CELF4: variants seen among roughly 807,000 people sequenced by gnomAD.
CELF4 encodes the protein CUG-BP- and ETR-3-like factor 4.
CELF4 carries 18 observed loss-of-function variants against 59.9 expected under a neutral mutation model. That is an observed-to-expected ratio of 0.30 (90% confidence interval 0.21 to 0.45). The LOEUF is 0.45. CELF4 is among the 20% of genes least tolerant of loss of function. The pLI is 1.00. For missense variants in CELF4, 456 were observed against 689.0 expected (o/e 0.66, Z 3.79); for synonymous variants, 261 against 267.1 (o/e 0.98, Z 0.22).
At chr18:37,409,533 G>C (rs868376168) in intron 2 of CELF4, among the ~76,000 whole-genome samples, 5 of 152,122 alleles carry the variant, frequency 3.3e-5, no homozygotes, top group Non-Finnish European at 7.4e-5. Flanking sequence ...TTTACTCTAC[G>C]CTATTCTGAA....
chr18:37,310,765 G>C (rs576368700), intron 3 of CELF4, among the ~76,000 whole-genome samples: 11 of 152,164 alleles, frequency 7.2e-5, no homozygotes, highest in African/African-American at 2.6e-4. Flanking sequence ...GGCTCACTCA[G>C]TGCTCACTTG....
chr18:37,343,329 C>CTGTGTG (rs5824051), intron 2 of CELF4, among the ~76,000 whole-genome samples: 2,895 of 126,976 alleles, frequency 0.023, 44 homozygotes, highest in South Asian at 0.026. Context: ...GGTGTTGATT[C>CTGTGTG]TGTGTGTGTG....
intron 3 of CELF4, among the ~76,000 whole-genome samples, chr18:37,290,991 C>A (rs1406027369): frequency 1.3e-5 from 2 of 152,186 alleles, no homozygotes; most frequent in African/African-American, 4.8e-5. Context: ...CTCACCGCAA[C>A]CTCCGCCTCC....
chr18:37,448,248 G>A (rs534589798), intron 2 of CELF4, among the ~76,000 whole-genome samples: 8 of 152,334 alleles, frequency 5.3e-5, no homozygotes, highest in African/African-American at 1.9e-4. Context: ...GATGACTGGA[G>A]CCTGAAGCCC....
chr18:37,372,019 T>C (rs2098895591), intron 2 of CELF4, among the ~76,000 whole-genome samples: 2 of 152,252 alleles, frequency 1.3e-5, no homozygotes, highest in Admixed American at 1.3e-4. Context: ...TGTTCTACTT[T>C]TACATTGTTG....
At chr18:37,300,659 G>A (rs2095964542) in intron 3 of CELF4, among the ~76,000 whole-genome samples, 1 of 152,240 alleles carries the variant, frequency 6.6e-6, no homozygotes, top group Admixed American at 6.5e-5. Context: ...GTCCCTGTCT[G>A]CACGGAGCTC....
chr18:37,272,572 GAA>G (rs397692958), intron 7 of CELF4, among the ~76,000 whole-genome samples: 309 of 104,906 alleles, frequency 2.9e-3, no homozygotes, highest in East Asian at 0.011. Flanking sequence ...AAAGGGAAAT[GAA>G]AAAAAAAAAA....
chr18:37,401,800 C>T (rs1459730131), intron 2 of CELF4, among the ~76,000 whole-genome samples: 1 of 152,200 alleles, frequency 6.6e-6, no homozygotes, highest in Non-Finnish European at 1.5e-5. Flanking sequence ...TTACACAGGG[C>T]TGGCCTCTCA....
intron 2 of CELF4, among the ~76,000 whole-genome samples, chr18:37,432,508 C>G (rs1018322966): frequency 6.6e-6 from 1 of 152,232 alleles, no homozygotes; most frequent in African/African-American, 2.4e-5. Context: ...GAACGCTGCA[C>G]CCGGACCAAG....
chr18:37,275,283 C>G (rs757438685), intron 3 of CELF4, 40 bp from the exon 4 acceptor site: 4 of 1,535,902 alleles, frequency 2.6e-6, no homozygotes, highest in Non-Finnish European at 3.5e-6. Context: ...GGCCAGGGAC[C>G]GGGCTGCGCG....
At chr18:37,432,338 C>A (rs1053941686) in intron 2 of CELF4, among the ~76,000 whole-genome samples, 6 of 152,216 alleles carry the variant, frequency 3.9e-5, no homozygotes, top group African/African-American at 1.4e-4. Context: ...CAGCACATCC[C>A]ACCTGGGCCC....
intron 2 of CELF4, among the ~76,000 whole-genome samples, chr18:37,328,429 G>A (rs2154529247): frequency 6.6e-6 from 1 of 152,320 alleles, no homozygotes; most frequent in South Asian, 2.1e-4. Flanking sequence ...AAACCTCAGA[G>A]CTGAGGGTCC....
intron 2 of CELF4, among the ~76,000 whole-genome samples, chr18:37,335,084 G>A (rs761279590): frequency 1.0e-4 from 14 of 140,688 alleles, no homozygotes; most frequent in South Asian, 2.5e-4. Flanking sequence ...CCGCCAGCTC[G>A]TCCAAGTCTC....
intron 1 of CELF4, among the ~76,000 whole-genome samples, chr18:37,560,804 C>T (rs1191368302): frequency 6.6e-6 from 1 of 152,182 alleles, no homozygotes; most frequent in African/African-American, 2.4e-5. Flanking sequence ...AGGAAAAAAA[C>T]ACCCAAAACC....
chr18:37,544,845 G>A (rs1363883168), intron 1 of CELF4, among the ~76,000 whole-genome samples: 5 of 152,180 alleles, frequency 3.3e-5, no homozygotes, highest in Admixed American at 2.6e-4. Flanking sequence ...AAAGTTAGGG[G>A]ATACTCAGGA....
At chr18:37,550,494 A>T (rs979428620) in intron 1 of CELF4, among the ~76,000 whole-genome samples, 5 of 152,226 alleles carry the variant, frequency 3.3e-5, no homozygotes, top group Non-Finnish European at 4.4e-5. Flanking sequence ...AGCTAAGCTG[A>T]AACTTTCCCA....
intron 2 of CELF4, among the ~76,000 whole-genome samples, chr18:37,331,378 C>T (rs1345908511): frequency 1.3e-5 from 2 of 152,212 alleles, no homozygotes; most frequent in African/African-American, 2.4e-5. Context: ...TTACACTCAC[C>T]GCCTTTCCAG....
At chr18:37,545,638 G>T (rs1202256988) in intron 1 of CELF4, among the ~76,000 whole-genome samples, 4 of 152,000 alleles carry the variant, frequency 2.6e-5, no homozygotes. Flanking sequence ...GGCCTCGCTG[G>T]TCGAGTCTGA....
intron 1 of CELF4, among the ~76,000 whole-genome samples, chr18:37,510,291 C>T (rs992644557): frequency 2.0e-4 from 31 of 152,196 alleles, no homozygotes; most frequent in Non-Finnish European, 1.2e-4. Flanking sequence ...CAGTGCATGC[C>T]AGGCTTCTCC....
Sources: allele counts gnomAD v4.1 joint callset (sites outside exome capture counted in the v4.1 genomes callset), GRCh38; gene constraint gnomAD v4.1.1; transcripts MANE v1.5; gene names NCBI Gene and HGNC (gene_info 2026-07-23, HGNC 2026-07-21).